The following C19orf12 variants were observed in gnomAD, a reference collection of about 807,000 sequenced individuals.
C19orf12 encodes the protein chromosome 19 open reading frame 12.
A neutral mutation model predicts 3.8 loss-of-function variants in C19orf12; 2 were observed. The ratio of observed to expected loss-of-function variants is 0.53; its 90% CI spans 0.22 to 1.66. The LOEUF (loss-of-function observed/expected upper bound fraction) is 1.66. C19orf12 is among the 40% of genes most tolerant of loss of function. The pLI is 0.20. For synonymous variants in C19orf12, 89 were observed against 84.6 expected (o/e 1.05, Z -0.28); for missense variants, 156 against 188.8 (o/e 0.83, Z 1.02).
At chr19:29,715,329 C>A (rs1040655848), upstream of C19orf12, 1 of 390,770 alleles carries the variant, frequency 2.6e-6, no homozygotes, top group South Asian at 1.8e-5. Flanking sequence ...CGGGCCAGCT[C>A]CTGGCTCCGA....
chr19:29,706,557 C>G (rs1972386489), intron 2 of C19orf12, among the ~76,000 whole-genome samples: 1 of 152,174 alleles, frequency 6.6e-6, no homozygotes, highest in Non-Finnish European at 1.5e-5. Flanking sequence ...ATCCCCAAAG[C>G]CTTCCCCTGA....
In C19orf12 at chr19:29,702,252, C is replaced by T. The variant is rs1194552911; in HGVS notation, c.*460G>A. ...GATTCCAGCATGGGCTGCTCCAAGG[C>T]CCTGAGACCCCAGGACCTGCAGGGG... On this transcript the variant is annotated 3_prime_UTR_variant, in exon 3 of 3. Transcript: ENST00000323670. 6.6e-6 allele frequency: 3 copies of T among 455,770 alleles called. No homozygotes were observed. Among genetic ancestry groups the T allele is most frequent in the East Asian group, 1.4e-4 (2 of 14,456 alleles). The allele number at this position is 455,770 out of a possible 1,614,324, so 28.2% of individuals were successfully genotyped here. A position where few individuals can be genotyped will look rare whatever the true frequency, so the allele number is the denominator to read the frequency against.
rs1310183004 is a variant in C19orf12, at chr19:29,701,440, A to T, written c.*1272T>A. ...AATATAAATGCTATGTAAATATGCT[A>T]CACCATATTGTTTAGGGAATAATGG... is the stretch of plus-strand genomic sequence containing the variant. On this transcript the variant is annotated 3_prime_UTR_variant, in exon 3 of 3. Transcript: ENST00000323670. 4.4e-6 allele frequency: 2 copies of T among 454,052 alleles called. No homozygotes were observed. Among genetic ancestry groups the T allele is most frequent in the Non-Finnish European group, 8.8e-6 (2 of 226,794 alleles). The allele number at this position is 454,052 out of a possible 1,614,324, so 28.1% of individuals were successfully genotyped here.
In C19orf12 at chr19:29,715,240, C is replaced by A; in HGVS notation, c.-126G>T. The A allele has an allele frequency of 2.4e-6, 1 of 412,310 alleles. No homozygotes were observed. The highest frequency in any genetic ancestry group is 4.5e-6 in the Non-Finnish European group (1 of 221,182). The allele number at this position is 412,310 out of a possible 1,614,324, so 25.5% of individuals were successfully genotyped here. A position where few individuals can be genotyped will look rare whatever the true frequency, so the allele number is the denominator to read the frequency against. On this transcript the variant is annotated 5_prime_UTR_variant, in exon 1 of 3. Coordinates refer to ENST00000323670, the MANE Select transcript of C19orf12 (RefSeq NM_031448.6). ...CCAGCCCCGCGGAGGGTCGCGCAGG[C>A]CTTGGTGGCGGCCCCGGCGCTGGCC... is the stretch of plus-strand genomic sequence containing the variant.
Position 29,699,972 on chromosome 19 carries a change from C to G in C19orf12, c.*2740G>C, listed in dbSNP as rs367843482. On this transcript the variant is annotated 3_prime_UTR_variant, in exon 3 of 3. Transcript: ENST00000323670. ...GATAAGACTCCAGGTTCAGGCTGCC[C>G]TTTTAGGCCCAAAGCCTCCAAGTCA... 6.6e-6 allele frequency: 3 copies of G among 454,108 alleles called. No homozygotes were observed. The allele number at this position is 454,108 out of a possible 1,614,324, so 28.1% of individuals were successfully genotyped here.
chr19:29,713,364 A>G (rs916536152), intron 1 of C19orf12, among the ~76,000 whole-genome samples: 3 of 152,076 alleles, frequency 2.0e-5, no homozygotes, highest in African/African-American at 7.2e-5. Flanking sequence ...TGCCAACTGG[A>G]AGCCCCGGTT....
In C19orf12 at chr19:29,700,295, C is replaced by T. The variant is rs539020501; in HGVS notation, c.*2417G>A. ...TCCAGAAGGATTTGCTGTAAGCAAC[C>T]GGAGAAGTTGGCATTTGTTCAACAT... On this transcript the variant is annotated 3_prime_UTR_variant, in exon 3 of 3. Coordinates refer to ENST00000323670, the MANE Select transcript of C19orf12 (RefSeq NM_031448.6). 6.6e-6 allele frequency: 3 copies of T among 454,088 alleles called. No homozygotes were observed. Among genetic ancestry groups the T allele is most frequent in the Admixed American group, 2.3e-5 (1 of 42,564 alleles). 28.1% of individuals were successfully genotyped at this position (454,088 alleles called of 1,614,324 possible).
intron 1 of C19orf12, among the ~76,000 whole-genome samples, chr19:29,714,686 C>A (rs1364303140): frequency 3.6e-5 from 5 of 137,100 alleles, no homozygotes; most frequent in Non-Finnish European, 7.9e-5. Flanking sequence ...ACCCCCAGCC[C>A]CGCCCCTGCC....
At chr19:29,715,314 C>A (rs973921359), upstream of C19orf12, 8 of 391,094 alleles carry the variant, frequency 2.0e-5, no homozygotes, top group African/African-American at 1.5e-4. Context: ...CGGGAAGCCA[C>A]GCGCCGGGCC....
chr19:29,703,359 T>A (rs997004582), intron 2 of C19orf12, among the ~76,000 whole-genome samples: 1 of 150,982 alleles, frequency 6.6e-6, no homozygotes, highest in Admixed American at 6.6e-5. Context: ...GAGAAACAAA[T>A]GCATTTTCTT....
chr19:29,704,820 C>G (rs748057187), intron 2 of C19orf12, among the ~76,000 whole-genome samples: 4 of 152,202 alleles, frequency 2.6e-5, no homozygotes, highest in Non-Finnish European at 4.4e-5. Flanking sequence ...CTGGGCCAAC[C>G]AAGCCTTGAA....
At chr19:29,706,626 C>A (rs1052024025) in intron 2 of C19orf12, among the ~76,000 whole-genome samples, 1 of 152,210 alleles carries the variant, frequency 6.6e-6, no homozygotes, top group Non-Finnish European at 1.5e-5. Flanking sequence ...AAGGAAACAG[C>A]CTTGTCTCCC....
In C19orf12 at chr19:29,702,540, T is replaced by G. The variant is rs1042026592; in HGVS notation, c.*172A>C. 1 of 901,368 alleles carries G rather than the reference T, an allele frequency of 1.1e-6. No individual in the cohort carries two copies. Among genetic ancestry groups the G allele is most frequent in the East Asian group, 2.6e-5 (1 of 38,672 alleles). 55.8% of individuals were successfully genotyped at this position (901,368 alleles called of 1,614,324 possible). A position where few individuals can be genotyped will look rare whatever the true frequency, so the allele number is the denominator to read the frequency against. On this transcript the variant is annotated 3_prime_UTR_variant, in exon 3 of 3. Coordinates refer to ENST00000323670, the MANE Select transcript of C19orf12 (RefSeq NM_031448.6). Reference sequence around the variant, plus strand: ...CACATGCTGCTTCATCAGTAATTTCTGGAACATGACACTGCACAGCGGTGG... The same window carrying G: ...CACATGCTGCTTCATCAGTAATTTCGGGAACATGACACTGCACAGCGGTGG...
At chr19:29,703,326 C>T (rs1972212076) in intron 2 of C19orf12, among the ~76,000 whole-genome samples, 1 of 151,842 alleles carries the variant, frequency 6.6e-6, no homozygotes, top group Non-Finnish European at 1.5e-5. Flanking sequence ...AAAAATCCCT[C>T]TCTAATCACA....
chr19:29,701,025 G>A lies in C19orf12; in HGVS notation c.*1687C>T, dbSNP rs758032997. ...TCCCACTTTGGCCTCCAAAAGTGCC[G>A]ACATTACAAGCATGAGCCACCTCAC... On this transcript the variant is annotated 3_prime_UTR_variant, in exon 3 of 3. Coordinates refer to ENST00000323670, the MANE Select transcript of C19orf12 (RefSeq NM_031448.6). 26 of 453,936 alleles carry A rather than the reference G, an allele frequency of 5.7e-5. No individual in the cohort carries two copies. Among genetic ancestry groups the A allele is most frequent in the African/African-American group, 1.6e-4 (8 of 49,978 alleles). The allele number at this position is 453,936 out of a possible 1,614,324, so 28.1% of individuals were successfully genotyped here. A position where few individuals can be genotyped will look rare whatever the true frequency, so the allele number is the denominator to read the frequency against.
rs1471086436 is a variant in C19orf12 at position 29,712,850 on chromosome 19, A to C, written c.-11+2275T>G. 2.0e-5 allele frequency among the ~76,000 whole-genome samples: 3 copies of C among 152,194 alleles called. No homozygotes were observed. In the East Asian group the frequency reaches 5.8e-4, roughly 29 times the overall value. The stretch of plus-strand genomic sequence containing the variant: ...AACTTCAGTGATATCTCAGACAATG[A>C]GGCAGGTTTCACTGAGACACAAGCC... On this transcript the variant is annotated intron_variant, in intron 1 of 2. Transcript: ENST00000323670.
chr19:29,715,273 C>A, upstream of C19orf12: 1 of 404,218 alleles, frequency 2.5e-6, no homozygotes, highest in Admixed American at 3.2e-5. Flanking sequence ...GCCCCGCCCT[C>A]CGTCCCACCT....
At position 29,702,943 on chromosome 19, in the gene C19orf12, C is replaced by T; in HGVS notation, c.195G>A (p.Met65Ile). The change falls in exon 3 of 3, where the codon ATG becomes ATA. Residue 65 changes from methionine (M) to isoleucine (I), a missense_variant. Met to Ile is a conservative substitution (Grantham distance 10). Coordinates refer to ENST00000323670, the MANE Select transcript of C19orf12 (RefSeq NM_031448.6). ...GAVGGLLGAW[M>I]TSGQFKPVPQ... The stretch of plus-strand genomic sequence containing the variant: ...GAACCGGCTTAAACTGTCCACTTGT[C>T]ATCCAGGCACCTAACAGCCCCCCGA... 1.9e-6 allele frequency: 3 copies of T among 1,614,210 alleles called. No homozygotes were observed. Among genetic ancestry groups the T allele is most frequent in the Non-Finnish European group, 2.5e-6 (3 of 1,180,038 alleles).
Position 29,699,603 on chromosome 19 carries a change from T to C in C19orf12, c.*3109A>G, listed in dbSNP as rs1200662506. ...TTCTGGGTTGTGAAATTTGTAGTTTTTATTTCATTATATTTTCTGGGTTTT... is the reference window on the plus strand; with the variant it reads ...TTCTGGGTTGTGAAATTTGTAGTTTCTATTTCATTATATTTTCTGGGTTTT... On this transcript the variant is annotated 3_prime_UTR_variant, in exon 3 of 3. Transcript: ENST00000323670. 2.6e-6 allele frequency: 1 copy of C among 390,640 alleles called. No individual in the cohort carries two copies. The highest frequency in any genetic ancestry group is 2.6e-5 in the Admixed American group (1 of 37,986). The allele number at this position is 390,640 out of a possible 1,614,324, so 24.2% of individuals were successfully genotyped here.
Sources: gnomAD v4.1 joint callset for allele counts (sites outside exome capture counted in the v4.1 genomes callset) on GRCh38, gnomAD v4.1.1 for gene constraint, MANE v1.5 for transcripts, NCBI Gene and HGNC (gene_info 2026-07-23, HGNC 2026-07-21) for gene names.